The following BICRAL variants were observed in gnomAD, a reference collection of about 807,000 sequenced individuals.
BICRAL encodes the protein BICRA like chromatin remodeling complex associated protein.
A neutral mutation model predicts 91.8 loss-of-function variants in BICRAL; 8 were observed. The observed-to-expected ratio is 0.09, with a 90% CI of 0.05 to 0.16. BICRAL has a LOEUF of 0.16. BICRAL is among the 10% of genes least tolerant of loss of function. BICRAL has a pLI of 1.00. For synonymous variants in BICRAL, 445 were observed against 491.1 expected (o/e 0.91, Z 1.24); for missense variants, 1,038 against 1,310.9 (o/e 0.79, Z 3.21).
At chr6:42,840,664 G>C (rs980760796) in intron 6 of BICRAL, among the ~76,000 whole-genome samples, 1 of 152,030 alleles carries the variant, frequency 6.6e-6, no homozygotes, top group African/African-American at 2.4e-5. Flanking sequence ...GCACCCCCTA[G>C]TAGCTGGGAT....
At chr6:42,840,729 A>T (rs1372774337) in intron 6 of BICRAL, among the ~76,000 whole-genome samples, 2 of 151,788 alleles carry the variant, frequency 1.3e-5, no homozygotes, top group Non-Finnish European at 2.9e-5. Flanking sequence ...TAGAGACCGC[A>T]CCTGGCCCCA....
intron 2 of BICRAL, among the ~76,000 whole-genome samples, chr6:42,821,601 G>A (rs1764138244): frequency 6.6e-6 from 1 of 152,166 alleles, no homozygotes; most frequent in African/African-American, 2.4e-5. Context: ...ACCATGTTTA[G>A]GAACATTGAG....
At chr6:42,832,772 T>C (rs541364271) in intron 6 of BICRAL, among the ~76,000 whole-genome samples, 1 of 151,988 alleles carries the variant, frequency 6.6e-6, no homozygotes, top group East Asian at 1.9e-4. Flanking sequence ...CTTTTCAGAG[T>C]AAATTACAGA....
At chr6:42,795,205 G>C (rs1763387771) in intron 1 of BICRAL, among the ~76,000 whole-genome samples, 2 of 152,094 alleles carry the variant, frequency 1.3e-5, no homozygotes, top group South Asian at 4.1e-4. Flanking sequence ...GCCAAGACTG[G>C]TGGATCACCT....
intron 2 of BICRAL, among the ~76,000 whole-genome samples, 173 bp downstream of exon 2, chr6:42,810,574 T>C (rs1279489286): frequency 1.3e-5 from 2 of 152,236 alleles, no homozygotes; most frequent in Non-Finnish European, 2.9e-5. Context: ...TGAATCGTTA[T>C]TTGCCCTGCA....
intron 1 of BICRAL, among the ~76,000 whole-genome samples, chr6:42,807,677 G>A (rs1418593810): frequency 4.0e-5 from 6 of 151,340 alleles, no homozygotes; most frequent in East Asian, 2.0e-4. Context: ...GTGGTGGCGC[G>A]TGCTTGTAGT....
At chr6:42,766,319 A>G (rs1762632270) in intron 1 of BICRAL, among the ~76,000 whole-genome samples, 2 of 152,218 alleles carry the variant, frequency 1.3e-5, no homozygotes, top group Non-Finnish European at 2.9e-5. Flanking sequence ...AGCCAGGACA[A>G]GGATCGTCAG....
intron 1 of BICRAL, among the ~76,000 whole-genome samples, chr6:42,749,569 T>A (rs1320364798): frequency 6.6e-6 from 1 of 152,204 alleles, no homozygotes; most frequent in African/African-American, 2.4e-5. Context: ...GTGATAAATG[T>A]TTGAAGTAAT....
chr6:42,835,865 A>C (rs979849828), intron 6 of BICRAL, among the ~76,000 whole-genome samples: 5 of 152,218 alleles, frequency 3.3e-5, no homozygotes, highest in African/African-American at 1.2e-4. Context: ...GGGAACGTCA[A>C]GGCTGCACTG....
At position 42,829,119 on chromosome 6, in the gene BICRAL, C is replaced by T; in HGVS notation, c.786C>T (p.Gly262=). The change falls in exon 6 of 13, where the codon GGC becomes GGT. Residue 262 remains glycine (G), a synonymous_variant. Coordinates refer to ENST00000314073, the MANE Select transcript of BICRAL (RefSeq NM_001393499.1). ...TGGTTCATAGACAGACTCCTAATGG[C>T]AACTCCTTGTTTGGGAACTCTAGTT... is the stretch of plus-strand genomic sequence containing the variant. ...GLLVHRQTPN[G]NSLFGNSSSS... The T allele has an allele frequency of 6.2e-7, 1 of 1,614,092 alleles. No individual in the cohort carries two copies. Among genetic ancestry groups the T allele is most frequent in the Admixed American group, 1.7e-5 (1 of 60,020 alleles).
At position 42,830,038 on chromosome 6, in the gene BICRAL, G is replaced by A; in HGVS notation, c.1705G>A (p.Asp569Asn). The A allele has an allele frequency of 6.2e-7, 1 of 1,614,160 alleles. No homozygotes were observed. The highest frequency in any genetic ancestry group is 8.5e-7 in the Non-Finnish European group (1 of 1,180,042). The change falls in exon 6 of 13, where the codon GAT becomes AAT. Residue 569 changes from aspartate (D) to asparagine (N), a missense_variant. Physicochemically the swap from Asp to Asn is conservative, Grantham distance 23. Around this residue, in one of 5 missense-constraint regions of BICRAL, gnomAD observed 532 missense variants for 724.9 expected, o/e 0.73. Transcript: ENST00000314073. Reference sequence around the variant, plus strand: ...TTCATCAGGATCAAACTTTACAGGAGATCAGCTGACCCAGCCAAACAGGAC... The same window carrying A: ...TTCATCAGGATCAAACTTTACAGGAAATCAGCTGACCCAGCCAAACAGGAC... ...SGSSGSNFTG[D>N]QLTQPNRTPV...
At chr6:42,804,522 A>T (rs1582831510) in intron 1 of BICRAL, among the ~76,000 whole-genome samples, 1 of 152,132 alleles carries the variant, frequency 6.6e-6, no homozygotes, top group South Asian at 2.1e-4. Flanking sequence ...TTTACTCAAG[A>T]CCTTTAGGAT....
At chr6:42,800,244 T>C (rs960649866) in intron 1 of BICRAL, among the ~76,000 whole-genome samples, 1 of 152,140 alleles carries the variant, frequency 6.6e-6, no homozygotes, top group African/African-American at 2.4e-5. Context: ...TTTGTATTTT[T>C]AGTAGAGATA....
At chr6:42,760,721 T>C in intron 1 of BICRAL, among the ~76,000 whole-genome samples, 1 of 152,100 alleles carries the variant, frequency 6.6e-6, no homozygotes, top group Non-Finnish European at 1.5e-5. Flanking sequence ...TAAATTACTT[T>C]CTTGTCAAAA....
intron 6 of BICRAL, among the ~76,000 whole-genome samples, chr6:42,844,498 G>T (rs1432656463): frequency 1.2e-5 from 1 of 85,456 alleles, no homozygotes; most frequent in African/African-American, 4.1e-5. Context: ...TACAGAGCAA[G>T]ACTCCATCTC....
chr6:42,852,400 G>C, intron 7 of BICRAL: 1 of 659,118 alleles, frequency 1.5e-6, no homozygotes, highest in South Asian at 1.5e-5. Context: ...GGTGGCTCAC[G>C]CCTGTAATGC....
upstream of BICRAL, among the ~76,000 whole-genome samples, chr6:42,780,059 A>G (rs1438823741): frequency 6.6e-6 from 1 of 151,906 alleles, no homozygotes; most frequent in Non-Finnish European, 1.5e-5. Flanking sequence ...TGCCACACAT[A>G]CCTGGCTAAT....
At chr6:42,776,215 T>C (rs1762805032) in intron 1 of BICRAL, among the ~76,000 whole-genome samples, 1 of 151,640 alleles carries the variant, frequency 6.6e-6, no homozygotes, top group Non-Finnish European at 1.5e-5. Flanking sequence ...AGAGATGGGG[T>C]TTCACCATAT....
chr6:42,796,582 G>A (rs187647232), intron 1 of BICRAL, among the ~76,000 whole-genome samples: 12 of 152,242 alleles, frequency 7.9e-5, no homozygotes, highest in African/African-American at 2.6e-4. Flanking sequence ...CTGGAATTTG[G>A]GTTGAGAATA....
Sources: allele counts gnomAD v4.1 joint callset (sites outside exome capture counted in the v4.1 genomes callset), GRCh38; gene constraint gnomAD v4.1.1; regional missense constraint gnomAD v4.1.1; transcripts MANE v1.5; gene names NCBI Gene and HGNC (gene_info 2026-07-23, HGNC 2026-07-21).